DGKB: variants seen among roughly 807,000 people sequenced by gnomAD.
DGKB encodes the protein diacylglycerol kinase beta.
DGKB carries 67 observed loss-of-function variants against 114.3 expected under a neutral mutation model. The ratio of observed to expected loss-of-function variants is 0.59; its 90% CI spans 0.48 to 0.72. DGKB has a LOEUF of 0.72. Among genes scored for constraint, DGKB ranks in the 30% least tolerant of loss-of-function variants. The pLI is 0.00. For missense variants in DGKB, 907 were observed against 975.2 expected, an observed-to-expected ratio of 0.93 and a Z score of 0.93; for synonymous variants, 398 against 323.1, an observed-to-expected ratio of 1.23 and a Z score of -2.49.
chr7:14,801,009 T>C lies in DGKB; in HGVS notation c.70+40185A>G, dbSNP rs73070732. ...CCACCTAAAACCATGTGATCAGCTA[T>C]AGAAACAAGGAAAAAAGGACTGTAA... On this transcript the variant is annotated intron_variant, in intron 2 of 25. Transcript: ENST00000402815. Among the ~76,000 whole-genome samples, 232 of 152,300 alleles carry C rather than the reference T, an allele frequency of 1.5e-3. 1 individual carries two copies. The Middle Eastern group carries it at 0.02, about 13-fold the overall frequency.
At chr7:14,404,797 T>C (rs985819330) in intron 21 of DGKB, among the ~76,000 whole-genome samples, 3 of 151,776 alleles carry the variant, frequency 2.0e-5, no homozygotes, top group Non-Finnish European at 4.4e-5. Flanking sequence ...CTCCTGCTCA[T>C]GTCTGGGAAC....
At chr7:14,465,599 C>G (rs1390958964) in intron 21 of DGKB, among the ~76,000 whole-genome samples, 1 of 152,028 alleles carries the variant, frequency 6.6e-6, no homozygotes, top group African/African-American at 2.4e-5. Context: ...CAACACAGCC[C>G]CCAGGTTGAT....
At chr7:14,810,905 G>A (rs952926966) in intron 2 of DGKB, among the ~76,000 whole-genome samples, 4 of 152,096 alleles carry the variant, frequency 2.6e-5, no homozygotes, top group South Asian at 2.1e-4. Flanking sequence ...CACGGCGCCC[G>A]GCCTACTTAC....
intron 17 of DGKB, among the ~76,000 whole-genome samples, chr7:14,604,464 A>G (rs1045192735): frequency 3.9e-5 from 6 of 152,198 alleles, no homozygotes; most frequent in African/African-American, 1.4e-4. Flanking sequence ...ATATTTTTAA[A>G]AAAGAATTTG....
chr7:14,269,728 C>T (rs901127195), intron 23 of DGKB, among the ~76,000 whole-genome samples: 1 of 152,028 alleles, frequency 6.6e-6, no homozygotes, highest in Non-Finnish European at 1.5e-5. Context: ...TAGAAACTTC[C>T]TATTTCAATT....
chr7:14,412,710 G>A (rs1825086467), intron 21 of DGKB, among the ~76,000 whole-genome samples: 1 of 151,980 alleles, frequency 6.6e-6, no homozygotes, highest in Non-Finnish European at 1.5e-5. Flanking sequence ...GGCCAGGCAC[G>A]GTGGCTCACG....
chr7:14,255,847 C>A (rs1239964184), intron 23 of DGKB, among the ~76,000 whole-genome samples: 1 of 151,976 alleles, frequency 6.6e-6, no homozygotes, highest in African/African-American at 2.4e-5. Context: ...AAACTGCAAT[C>A]AGGCTTTGAG....
intron 23 of DGKB, among the ~76,000 whole-genome samples, chr7:14,267,934 A>G (rs1240004240): frequency 6.6e-6 from 1 of 152,182 alleles, no homozygotes; most frequent in African/African-American, 2.4e-5. Context: ...TCTACTAACT[A>G]GGTTACAACA....
intron 2 of DGKB, among the ~76,000 whole-genome samples, chr7:14,791,775 A>G (rs1374197004): frequency 1.3e-5 from 2 of 152,230 alleles, no homozygotes. Context: ...GCACTAAACC[A>G]TAATTGGACA....
intron 23 of DGKB, among the ~76,000 whole-genome samples, chr7:14,241,919 T>TATAC (rs1554300596): frequency 2.0e-5 from 3 of 150,762 alleles, no homozygotes; most frequent in Non-Finnish European, 4.4e-5. Context: ...TCAAGATATA[T>TATAC]ACACACACAC....
rs185997893 is a variant in DGKB, at chr7:14,701,454, A to T, written c.516+227T>A. The stretch of plus-strand genomic sequence containing the variant: ...ACTTCAGTGCAGGAAAAATAAAATT[A>T]AAAAAGTCATGCTGTGGTATGCAAA... On this transcript the variant is annotated intron_variant, in intron 7 of 25. Coordinates refer to ENST00000402815, the MANE Select transcript of DGKB (RefSeq NM_001350709.2). Among the ~76,000 whole-genome samples, 1,143 of 152,282 alleles carry T rather than the reference A, an allele frequency of 7.5e-3. 13 individuals are homozygous for T. The highest frequency in any genetic ancestry group is 0.012 in the Non-Finnish European group (828 of 68,014).
chr7:14,799,499 C>T (rs989229531), intron 2 of DGKB, among the ~76,000 whole-genome samples: 20 of 152,166 alleles, frequency 1.3e-4, no homozygotes, highest in African/African-American at 4.1e-4. Flanking sequence ...GTAAATCTGA[C>T]TAAAATTCAA....
chr7:14,479,938 A>T (rs1480589453), intron 20 of DGKB, among the ~76,000 whole-genome samples: 1 of 152,096 alleles, frequency 6.6e-6, no homozygotes, highest in Non-Finnish European at 1.5e-5. Flanking sequence ...AGAATGAATA[A>T]TCAATATTGC....
At chr7:14,295,856 G>A (rs1802454523) in intron 23 of DGKB, among the ~76,000 whole-genome samples, 2 of 151,592 alleles carry the variant, frequency 1.3e-5, no homozygotes, top group South Asian at 2.1e-4. Context: ...CCCTACCCTA[G>A]CCCCCCAACC....
intron 5 of DGKB, among the ~76,000 whole-genome samples, chr7:14,734,350 AATTCTAT>A (rs775199987): frequency 8.6e-5 from 13 of 151,990 alleles, no homozygotes; most frequent in Non-Finnish European, 1.5e-4. Flanking sequence ...CTATACCAAC[AATTCTAT>A]ATTCTACTTT....
intron 13 of DGKB, among the ~76,000 whole-genome samples, chr7:14,653,571 G>A (rs553627383): frequency 6.6e-6 from 1 of 151,934 alleles, no homozygotes; most frequent in Non-Finnish European, 1.5e-5. Flanking sequence ...CGAGTTAGTG[G>A]GTTCAGCGCA....
chr7:14,664,494 C>A (rs1487831435), intron 13 of DGKB, among the ~76,000 whole-genome samples: 1 of 151,982 alleles, frequency 6.6e-6, no homozygotes, highest in East Asian at 1.9e-4. Flanking sequence ...ACAAGACAGG[C>A]CAGGAAGCCA....
intron 23 of DGKB, among the ~76,000 whole-genome samples, chr7:14,233,723 C>T (rs907322697): frequency 1.3e-5 from 2 of 152,126 alleles, no homozygotes; most frequent in Middle Eastern, 6.8e-3. Flanking sequence ...AAATTATCTG[C>T]ATCATTGAGA....
At chr7:14,399,483 T>TAC (rs1323311166) in intron 21 of DGKB, among the ~76,000 whole-genome samples, 1 of 151,666 alleles carries the variant, frequency 6.6e-6, no homozygotes, top group African/African-American at 2.4e-5. Flanking sequence ...TAACAATACT[T>TAC]ACAAAGCCAT....
Sources: allele counts gnomAD v4.1 joint callset (sites outside exome capture counted in the v4.1 genomes callset), GRCh38; gene constraint gnomAD v4.1.1; transcripts MANE v1.5; gene names NCBI Gene and HGNC (gene_info 2026-07-23, HGNC 2026-07-21).